Variants in TP63 observed in about 807,000 individuals in gnomAD.
TP63 encodes the protein tumor protein p63.
A neutral mutation model predicts 82.8 loss-of-function variants in TP63; 17 were observed. The ratio of observed to expected loss-of-function variants is 0.21; its 90% confidence interval spans 0.14 to 0.31. The LOEUF (loss-of-function observed/expected upper bound fraction) is 0.31, where lower values mean the gene tolerates loss of function less well. TP63 is among the 10% of genes least tolerant of loss of function. The pLI is 1.00. For missense variants in TP63, 648 were observed against 895.3 expected, an observed-to-expected ratio of 0.72 and a Z score of 3.52; for synonymous variants, 330 against 321.7, an observed-to-expected ratio of 1.03 and a Z score of -0.28.
At chr3:189,636,338 A>C (rs55779747) in intron 1 of TP63, among the ~76,000 whole-genome samples, 67,598 of 151,898 alleles carry the variant, frequency 0.45, 15,682 homozygotes, top group East Asian at 0.5. Flanking sequence ...TGTGACCTTC[A>C]TGAAATCACT....
intron 1 of TP63, among the ~76,000 whole-genome samples, chr3:189,725,378 G>A (rs1227802243): frequency 1.3e-5 from 2 of 152,022 alleles, no homozygotes; most frequent in African/African-American, 4.8e-5. Flanking sequence ...ATCGGGACTA[G>A]GAATATAAAT....
chr3:189,706,501 G>T (rs1490268781), intron 1 of TP63, among the ~76,000 whole-genome samples: 1 of 152,062 alleles, frequency 6.6e-6, no homozygotes, highest in Admixed American at 6.6e-5. Flanking sequence ...TGGTCCGCTG[G>T]CCTCGGCCTC....
chr3:189,686,881 C>T (rs1303185796), intron 1 of TP63, among the ~76,000 whole-genome samples: 2 of 151,932 alleles, frequency 1.3e-5, no homozygotes, highest in African/African-American at 4.8e-5. Context: ...CAGGCACCTG[C>T]CACCACGCCC....
chr3:189,880,381 T>A (rs1167204075), intron 10 of TP63: 4 of 1,201,540 alleles, frequency 3.3e-6, no homozygotes, highest in Non-Finnish European at 4.1e-6. Flanking sequence ...CAAGAAAGGA[T>A]GTTTTCTGCA....
At chr3:189,867,421 A>G (rs967736662) in intron 6 of TP63, among the ~76,000 whole-genome samples, 5 of 152,212 alleles carry the variant, frequency 3.3e-5, no homozygotes, top group African/African-American at 4.8e-5. Flanking sequence ...ATGGAAGTAT[A>G]TATTCAAATC....
chr3:189,697,145 C>T (rs1362296719), intron 1 of TP63, among the ~76,000 whole-genome samples: 1 of 149,178 alleles, frequency 6.7e-6, no homozygotes, highest in Non-Finnish European at 1.5e-5. Flanking sequence ...TCCAGACATT[C>T]TTTATATTTT....
intron 3 of TP63, among the ~76,000 whole-genome samples, chr3:189,763,200 G>A (rs1245828475): frequency 1.3e-5 from 2 of 152,076 alleles, no homozygotes; most frequent in African/African-American, 4.8e-5. Context: ...CTTGAGCCTG[G>A]GAGGTCAAGG....
intron 3 of TP63, among the ~76,000 whole-genome samples, chr3:189,783,262 A>G (rs944424307): frequency 1.3e-5 from 2 of 151,968 alleles, no homozygotes; most frequent in African/African-American, 2.4e-5. Flanking sequence ...GCATCTGTAT[A>G]CACAGATACA....
chr3:189,615,194 T>C, the TP63 span, among the ~76,000 whole-genome samples: 1 of 152,212 alleles, frequency 6.6e-6, no homozygotes, highest in Non-Finnish European at 1.5e-5. Context: ...GTAAGACTCG[T>C]GTGCCATCTC....
chr3:189,682,551 AAAATATATAT>A (rs1322481305), intron 1 of TP63, among the ~76,000 whole-genome samples: 13 of 30,840 alleles, frequency 4.2e-4, no homozygotes, highest in African/African-American at 2.1e-3. Flanking sequence ...AAAAAAAAAA[AAAATATATAT>A]ATATATATAT....
intron 1 of TP63, among the ~76,000 whole-genome samples, chr3:189,668,852 A>G (rs1267492834): frequency 5.9e-5 from 9 of 152,116 alleles, no homozygotes; most frequent in African/African-American, 2.2e-4. Context: ...ATCTCTAAAA[A>G]CAAAAATACA....
chr3:189,653,714 A>G (rs985911798), intron 1 of TP63, among the ~76,000 whole-genome samples: 1 of 152,202 alleles, frequency 6.6e-6, no homozygotes, highest in Admixed American at 6.5e-5. Context: ...TTGTGAATAT[A>G]TGGCACTCAA....
intron 9 of TP63, among the ~76,000 whole-genome samples, chr3:189,872,168 T>C (rs971870690): frequency 2.0e-5 from 3 of 152,318 alleles, no homozygotes. Flanking sequence ...TTTATGAAGG[T>C]GTTGCAAAAA....
At chr3:189,698,043 C>G (rs1717523025) in intron 1 of TP63, among the ~76,000 whole-genome samples, 1 of 152,064 alleles carries the variant, frequency 6.6e-6, no homozygotes, top group African/African-American at 2.4e-5. Flanking sequence ...TTTTACTTCA[C>G]TATTTAGGGC....
At chr3:189,759,046 C>T (rs749394804) in intron 3 of TP63, among the ~76,000 whole-genome samples, 11 of 152,240 alleles carry the variant, frequency 7.2e-5, no homozygotes, top group African/African-American at 2.2e-4. Context: ...TGATTAAGAG[C>T]GTGGGCTTTG....
intron 13 of TP63, among the ~76,000 whole-genome samples, chr3:189,892,045 GA>G (rs913390487): frequency 3.9e-5 from 6 of 152,096 alleles, no homozygotes; most frequent in African/African-American, 1.4e-4. Context: ...CTCCCTGATA[GA>G]ATAAGTTATA....
intron 4 of TP63, among the ~76,000 whole-genome samples, chr3:189,861,836 A>G (rs1450256706): frequency 1.3e-5 from 2 of 152,188 alleles, no homozygotes; most frequent in Non-Finnish European, 2.9e-5. Flanking sequence ...CAGGACTAGG[A>G]TAGACTCATA....
chr3:189,849,797 C>T (rs750006094), intron 4 of TP63, among the ~76,000 whole-genome samples: 5 of 152,072 alleles, frequency 3.3e-5, no homozygotes, highest in Non-Finnish European at 4.4e-5. Flanking sequence ...AATTAATAAG[C>T]TTCACCTCTT....
intron 3 of TP63, among the ~76,000 whole-genome samples, chr3:189,781,600 AT>A (rs35373630): frequency 0.11 from 16,929 of 149,338 alleles, 925 homozygotes; most frequent in South Asian, 0.23. Context: ...TTGCCTAGGG[AT>A]TTTTTTTTTT....
Sources: allele counts gnomAD v4.1 joint callset (sites outside exome capture counted in the v4.1 genomes callset), GRCh38; gene constraint gnomAD v4.1.1; transcripts MANE v1.5; gene names NCBI Gene and HGNC (gene_info 2026-07-23, HGNC 2026-07-21).